The following MRC1 variants were observed in gnomAD, a reference collection of about 807,000 sequenced individuals.
MRC1 encodes mannose receptor C-type 1.
MRC1 carries 62 observed loss-of-function variants against 102.9 expected under a neutral mutation model. That is an observed-to-expected ratio of 0.60 (90% CI 0.49 to 0.74). The LOEUF (loss-of-function observed/expected upper bound fraction) is 0.74, where lower values mean the gene tolerates loss of function less well. MRC1 is among the 30% of genes least tolerant of loss of function. The pLI is 0.00. For missense variants in MRC1, 1,237 were observed against 862.8 expected, an observed-to-expected ratio of 1.43 and a Z score of -5.43; for synonymous variants, 457 against 298.4, an observed-to-expected ratio of 1.53 and a Z score of -5.48.
intron 2 of MRC1, 36 bp from the exon 3 acceptor site, chr10:17,827,506 C>T: frequency 1.4e-6 from 1 of 690,396 alleles, no homozygotes; most frequent in Admixed American, 1.8e-5. Flanking sequence ...AGAAATATCA[C>T]TCACATTCCA....
rs1833780514 is a variant in MRC1, at chr10:17,898,139, C to T, written c.3356C>T (p.Ala1119Val). 2.6e-6 allele frequency: 2 copies of T among 780,780 alleles called. No homozygotes were observed. Among genetic ancestry groups the T allele is most frequent in the Non-Finnish European group, 4.8e-6 (2 of 417,948 alleles). The allele number at this position is 780,780 out of a possible 1,614,324, so 48.4% of individuals were successfully genotyped here. Reference protein sequence around the residue: ...LMRQKFQWHEAETYCKLHNSL... With the variant: ...LMRQKFQWHEVETYCKLHNSL... The stretch of plus-strand genomic sequence containing the variant: ...AGACAAAAATTTCAATGGCATGAAG[C>T]GGAGACATACTGCAAGCTTCACAAT... Residue 1119 changes from alanine (A) to valine (V), a missense_variant, in exon 24 of 30, where the codon GCG (alanine) becomes GTG (valine). Transcript: ENST00000569591.
Position 17,903,392 on chromosome 10 carries a change from CTTTTTTTTTTTTT to C in MRC1, c.3799+1279_3799+1291del, listed in dbSNP as rs35118275. Among the ~76,000 whole-genome samples the C allele has an allele frequency of 3.4e-5, 3 of 88,862 alleles. No homozygotes were observed. In the East Asian group the frequency reaches 8.7e-4, roughly 26 times the overall value. 58.3% of individuals were successfully genotyped at this position (88,862 alleles called of 152,430 possible). A position where few individuals can be genotyped will look rare whatever the true frequency, so the allele number is the denominator to read the frequency against. Reference sequence around the variant, plus strand: ...TTTTCTTTTTCTTTTCTTTTTTTTTCTTTTTTTTTTTTTTTTTTTTTGAGACAGAGTCTCATTC... The same window carrying C: ...TTTTCTTTTTCTTTTCTTTTTTTTTCTTTTTTTTGAGACAGAGTCTCATTC... On this transcript the variant is annotated intron_variant, in intron 26 of 29. Transcript: ENST00000569591.
intron 10 of MRC1, 31 bp from the exon 11 acceptor site, chr10:17,863,503 C>G (rs1216541304): frequency 2.6e-6 from 2 of 780,386 alleles, no homozygotes; most frequent in Non-Finnish European, 4.8e-6. Context: ...GTTTCAAAAA[C>G]TTAATTGAAT....
At chr10:17,895,686 G>A (rs1314173308) in intron 23 of MRC1, among the ~76,000 whole-genome samples, 1 of 152,094 alleles carries the variant, frequency 6.6e-6, no homozygotes, top group Non-Finnish European at 1.5e-5. Context: ...ATACATTTTA[G>A]TTTCTAGAGA....
chr10:17,837,790 A>G (rs1454472390), intron 4 of MRC1, among the ~76,000 whole-genome samples: 2 of 151,956 alleles, frequency 1.3e-5, no homozygotes, highest in African/African-American at 2.4e-5. Flanking sequence ...TAGTAGACAC[A>G]GGGTTTCACC....
intron 9 of MRC1, 122 bp from the exon 10 acceptor site, chr10:17,861,265 A>G (rs1474140928): frequency 7.1e-6 from 4 of 562,762 alleles, no homozygotes; most frequent in Non-Finnish European, 1.3e-5. Flanking sequence ...GTGAGCCAAG[A>G]TTGCGCCATT....
intron 12 of MRC1, 143 bp from the exon 13 acceptor site, chr10:17,870,102 TA>T: frequency 3.0e-6 from 2 of 659,830 alleles, no homozygotes; most frequent in East Asian, 5.0e-5. Flanking sequence ...AAACTGATTT[TA>T]AAGCAAAAGA....
intron 8 of MRC1, among the ~76,000 whole-genome samples, chr10:17,853,871 T>C (rs1340398932): frequency 1.3e-5 from 2 of 152,216 alleles, no homozygotes; most frequent in African/African-American, 4.8e-5. Flanking sequence ...AGGCTGAGTT[T>C]TGCTGTGTGA....
intron 24 of MRC1, among the ~76,000 whole-genome samples, chr10:17,899,344 GTTTTC>G (rs1242126079): frequency 6.6e-6 from 1 of 152,140 alleles, no homozygotes; most frequent in Non-Finnish European, 1.5e-5. Context: ...TAAGTCATTT[GTTTTC>G]TTCTCACAGA....
chr10:17,884,645 A>G (rs1833565219), intron 21 of MRC1, among the ~76,000 whole-genome samples: 1 of 152,160 alleles, frequency 6.6e-6, no homozygotes, highest in Non-Finnish European at 1.5e-5. Context: ...CAGCTCTTGT[A>G]AGAACTCATC....
chr10:17,832,491 C>T (rs1277340879), intron 3 of MRC1, among the ~76,000 whole-genome samples: 2 of 149,254 alleles, frequency 1.3e-5, no homozygotes, highest in African/African-American at 2.5e-5. Flanking sequence ...GGAGGCGGAG[C>T]TTGCAGTGAG....
chr10:17,877,066 C>T (rs971343446), intron 17 of MRC1, among the ~76,000 whole-genome samples: 3,456 of 148,726 alleles, frequency 0.023, 145 homozygotes, highest in East Asian at 0.2. Flanking sequence ...TATTGCACAA[C>T]TATATATATA....
chr10:17,810,919 A>G (rs1808347987), intron 1 of MRC1, among the ~76,000 whole-genome samples: 2 of 152,090 alleles, frequency 1.3e-5, no homozygotes, highest in Admixed American at 6.5e-5. Flanking sequence ...CGGCCTCCCA[A>G]GTAGCTGGGA....
intron 15 of MRC1, among the ~76,000 whole-genome samples, chr10:17,873,380 ACT>A (rs1554841941): frequency 6.6e-6 from 1 of 152,180 alleles, no homozygotes; most frequent in African/African-American, 2.4e-5. Context: ...CATACCAATA[ACT>A]CACATATTTT....
chr10:17,897,136 T>C (rs1833766223), intron 23 of MRC1, among the ~76,000 whole-genome samples: 1 of 152,250 alleles, frequency 6.6e-6, no homozygotes, highest in South Asian at 2.1e-4. Flanking sequence ...TCTTTGATTC[T>C]TCTCTATCCC....
chr10:17,837,350 A>T (rs982045729), intron 4 of MRC1, among the ~76,000 whole-genome samples: 3 of 152,174 alleles, frequency 2.0e-5, no homozygotes, highest in Non-Finnish European at 4.4e-5. Context: ...GGACAAGAAA[A>T]ACTCTGACAG....
At chr10:17,903,468 T>C (rs1409307894) in intron 26 of MRC1, among the ~76,000 whole-genome samples, 2 of 144,124 alleles carry the variant, frequency 1.4e-5, no homozygotes, top group Non-Finnish European at 3.0e-5. Context: ...CAATCTTGGC[T>C]CACTGCAACC....
At chr10:17,819,870 A>G (rs1476672080) in intron 1 of MRC1, among the ~76,000 whole-genome samples, 1 of 152,196 alleles carries the variant, frequency 6.6e-6, no homozygotes, top group Non-Finnish European at 1.5e-5. Context: ...GCTTGAGCCT[A>G]GGAATTCAAG....
chr10:17,839,214 C>T (rs1838713946), intron 4 of MRC1, among the ~76,000 whole-genome samples: 1 of 152,144 alleles, frequency 6.6e-6, no homozygotes, highest in Non-Finnish European at 1.5e-5. Context: ...AAAGGTAATT[C>T]TCTTAAAGAG....
Sources: gnomAD v4.1 joint callset for allele counts (sites outside exome capture counted in the v4.1 genomes callset) on GRCh38, gnomAD v4.1.1 for gene constraint, MANE v1.5 for transcripts, NCBI Gene and HGNC (gene_info 2026-07-23, HGNC 2026-07-21) for gene names.